SAP30L: variants seen among roughly 807,000 people sequenced by gnomAD.
SAP30L encodes the protein histone deacetylase complex subunit SAP30L.
Under a neutral mutation model 22.3 loss-of-function variants are expected in SAP30L, and 10 were observed. The ratio of observed to expected loss-of-function variants is 0.45; its 90% confidence interval spans 0.28 to 0.76. The LOEUF is 0.76. SAP30L is among the 30% of genes least tolerant of loss of function. The probability of loss-of-function intolerance (pLI) is 0.14; values close to 1 mark genes in which losing one functional copy is unlikely to be tolerated. For synonymous variants in SAP30L, 91 were observed against 94.1 expected, an observed-to-expected ratio of 0.97 and a Z score of 0.19; for missense variants, 206 against 237.9, an observed-to-expected ratio of 0.87 and a Z score of 0.88.
In SAP30L at chr5:154,457,910, T is replaced by C. The variant is rs574321379; in HGVS notation, c.*1882T>C. ...GGCATCAAGAAGGCTGAGGGGCAGA[T>C]GGGGCCTGCAGGTTAAGGCATTGTT... On this transcript the variant is annotated 3_prime_UTR_variant, in exon 4 of 4. Transcript: ENST00000297109. 2 of 152,290 alleles carry C rather than the reference T, an allele frequency of 1.3e-5. No individual in the cohort carries two copies. The highest frequency in any genetic ancestry group is 4.8e-5 in the African/African-American group (2 of 41,564). 9.4% of individuals were successfully genotyped at this position (152,290 alleles called of 1,614,324 possible). A position where few individuals can be genotyped will look rare whatever the true frequency, so the allele number is the denominator to read the frequency against.
rs762080460 is a variant in SAP30L, at chr5:154,456,565, A to G, written c.*537A>G. ...GTGCCTTGTACACAGTAGGCACTCA[A>G]TCAGTAGGTATTGGCTAATTGAGCT... On this transcript the variant is annotated 3_prime_UTR_variant, in exon 4 of 4. Coordinates refer to ENST00000297109, the MANE Select transcript of SAP30L (RefSeq NM_024632.6). 6.5e-6 allele frequency: 1 copy of G among 153,310 alleles called. No individual in the cohort carries two copies. The highest frequency in any genetic ancestry group is 2.4e-5 in the African/African-American group (1 of 41,464). 9.5% of individuals were successfully genotyped at this position (153,310 alleles called of 1,614,324 possible). A position where few individuals can be genotyped will look rare whatever the true frequency, so the allele number is the denominator to read the frequency against.
At chr5:154,453,668 G>C (rs913519234) in intron 3 of SAP30L, among the ~76,000 whole-genome samples, 168 bp downstream of exon 3, 1 of 152,156 alleles carries the variant, frequency 6.6e-6, no homozygotes, top group African/African-American at 2.4e-5. Flanking sequence ...CTTTAGACCT[G>C]CAAAGGCCTC....
At chr5:154,450,483 C>G (rs975451854) in intron 1 of SAP30L, among the ~76,000 whole-genome samples, 4 of 152,166 alleles carry the variant, frequency 2.6e-5, no homozygotes, top group Admixed American at 2.6e-4. Context: ...TTCCTCCTCC[C>G]CAGGACAGTA....
In SAP30L at chr5:154,456,608, C is replaced by T. The variant is rs1757270933; in HGVS notation, c.*580C>T. The T allele has an allele frequency of 6.6e-6, 1 of 152,378 alleles. No individual in the cohort carries two copies. The highest frequency in any genetic ancestry group is 1.5e-5 in the Non-Finnish European group (1 of 68,174). 9.4% of individuals were successfully genotyped at this position (152,378 alleles called of 1,614,324 possible). A position where few individuals can be genotyped will look rare whatever the true frequency, so the allele number is the denominator to read the frequency against. ...ATTGAGCTGTCACTAATAGTGCCAG[C>T]CTTGTAACATCCGCTTCACACCTCT... On this transcript the variant is annotated 3_prime_UTR_variant, in exon 4 of 4. Transcript: ENST00000297109.
chr5:154,450,013 G>A (rs774532932), intron 1 of SAP30L, among the ~76,000 whole-genome samples: 16 of 152,132 alleles, frequency 1.1e-4, no homozygotes, highest in South Asian at 4.1e-4. Flanking sequence ...TAATTGATGC[G>A]GATTTCCTGC....
intron 3 of SAP30L, among the ~76,000 whole-genome samples, chr5:154,453,738 C>A (rs1757202696): frequency 6.6e-6 from 1 of 152,204 alleles, no homozygotes; most frequent in Non-Finnish European, 1.5e-5. Context: ...AATCACACAG[C>A]AAGTTGATAG....
rs757016763 is a variant in SAP30L, at chr5:154,457,773, G to A, written c.*1745G>A. 7 of 152,150 alleles carry A rather than the reference G, an allele frequency of 4.6e-5. No individual in the cohort carries two copies. The highest frequency in any genetic ancestry group is 1.0e-4 in the Non-Finnish European group (7 of 68,044). 9.4% of individuals were successfully genotyped at this position (152,150 alleles called of 1,614,324 possible). On this transcript the variant is annotated 3_prime_UTR_variant, in exon 4 of 4. Transcript: ENST00000297109. The stretch of plus-strand genomic sequence containing the variant: ...CTGTGAGGGCATCCTATTTTGGTAT[G>A]CCTCCTGGCTGTGGATGGCATGTCC...
chr5:154,460,165 GGA>G lies in SAP30L; in HGVS notation c.*4138_*4139del, dbSNP rs1183515949. The G allele has an allele frequency of 6.6e-6, 1 of 152,146 alleles. No homozygotes were observed. The highest frequency in any genetic ancestry group is 1.5e-5 in the Non-Finnish European group (1 of 68,042). 9.4% of individuals were successfully genotyped at this position (152,146 alleles called of 1,614,324 possible). Reference sequence around the variant, plus strand: ...TTCCCAAGGCCAACCTAGCTCTCAGGGACCAACCTGCAGAACTCAAGATTGAG... The same window carrying G: ...TTCCCAAGGCCAACCTAGCTCTCAGGCCAACCTGCAGAACTCAAGATTGAG... On this transcript the variant is annotated 3_prime_UTR_variant, in exon 4 of 4. Coordinates refer to ENST00000297109, the MANE Select transcript of SAP30L (RefSeq NM_024632.6).
chr5:154,449,403 C>T (rs1175606416), intron 1 of SAP30L, among the ~76,000 whole-genome samples: 3 of 152,144 alleles, frequency 2.0e-5, no homozygotes, highest in South Asian at 4.1e-4. Flanking sequence ...ATTTAGAAAA[C>T]GGATTGGGGT....
chr5:154,447,941 CTTTTTCTTTTCTTTTT>C (rs1757055846), intron 1 of SAP30L, among the ~76,000 whole-genome samples: 2 of 144,850 alleles, frequency 1.4e-5, no homozygotes, highest in Non-Finnish European at 3.0e-5. Context: ...CTCCCCTGTC[CTTTTTCTTTTCTTTTT>C]TTTTTCTTTT....
intron 2 of SAP30L, 117 bp downstream of exon 2, chr5:154,451,330 G>A (rs2277939): frequency 0.65 from 734,041 of 1,127,616 alleles, 240,623 homozygotes; most frequent in Admixed American, 0.77. Context: ...TTGTTTTGCT[G>A]TGGATTATTT....
intron 1 of SAP30L, among the ~76,000 whole-genome samples, chr5:154,447,290 G>A (rs1757040917): frequency 6.6e-6 from 1 of 152,242 alleles, no homozygotes; most frequent in African/African-American, 2.4e-5. Flanking sequence ...TAGCTGCTTC[G>A]CAGGCAGCTG....
intron 1 of SAP30L, among the ~76,000 whole-genome samples, chr5:154,450,333 G>C (rs2113271364): frequency 6.6e-6 from 1 of 152,348 alleles, no homozygotes; most frequent in Admixed American, 6.5e-5. Flanking sequence ...TTGTGGATCA[G>C]ATGTGAGATA....
chr5:154,450,413 A>G (rs1757112621), intron 1 of SAP30L, among the ~76,000 whole-genome samples: 1 of 152,192 alleles, frequency 6.6e-6, no homozygotes, highest in Non-Finnish European at 1.5e-5. Context: ...AATAGTAGCT[A>G]TTGTAATTGT....
intron 1 of SAP30L, among the ~76,000 whole-genome samples, chr5:154,450,813 C>T (rs976462958): frequency 6.6e-6 from 1 of 152,202 alleles, no homozygotes; most frequent in Non-Finnish European, 1.5e-5. Flanking sequence ...CCCTGAGCAT[C>T]TCTGTTGCAG....
Position 154,450,672 on chromosome 5 carries a change from C to A in SAP30L, c.202-419C>A, listed in dbSNP as rs190932387. Among the ~76,000 whole-genome samples, 8 of 152,326 alleles carry A rather than the reference C, an allele frequency of 5.3e-5. No homozygotes were observed. In the East Asian group the frequency reaches 1.4e-3, roughly 26 times the overall value. On this transcript the variant is annotated intron_variant, in intron 1 of 3. Transcript: ENST00000297109. ...TACATGGGCAGCCATCATCACCCAACTGACACTGTACCCTGGGCCTCCTCA... is the reference window on the plus strand; with the variant it reads ...TACATGGGCAGCCATCATCACCCAAATGACACTGTACCCTGGGCCTCCTCA...
rs1053464658 is a variant in SAP30L at position 154,446,235 on chromosome 5, CT to C, written c.-369del. ...AGCCGGCAGGGGCCTTCGAAACCCC[CT>C]GGCAACCCAGGCCCGGAGTCCTTGG... On this transcript the variant is annotated 5_prime_UTR_variant, in exon 1 of 4. Coordinates refer to ENST00000297109, the MANE Select transcript of SAP30L (RefSeq NM_024632.6). The C allele has an allele frequency of 1.0e-5, 2 of 192,776 alleles. No individual in the cohort carries two copies. The highest frequency in any genetic ancestry group is 4.6e-5 in the African/African-American group (2 of 43,048). The allele number at this position is 192,776 out of a possible 1,614,324, so 11.9% of individuals were successfully genotyped here.
rs1330380257 is a variant in SAP30L at position 154,458,388 on chromosome 5, T to A, written c.*2360T>A. Reference sequence around the variant, plus strand: ...CCACTAAACCACTCGCCTTAGCCTCTTCTGCAGTTTCTGGTGGCTCTATCT... The same window carrying A: ...CCACTAAACCACTCGCCTTAGCCTCATCTGCAGTTTCTGGTGGCTCTATCT... On this transcript the variant is annotated 3_prime_UTR_variant, in exon 4 of 4. Transcript: ENST00000297109. 3 of 152,274 alleles carry A rather than the reference T, an allele frequency of 2.0e-5. No individual in the cohort carries two copies. Among genetic ancestry groups the A allele is most frequent in the Non-Finnish European group, 4.4e-5 (3 of 68,066 alleles). 9.4% of individuals were successfully genotyped at this position (152,274 alleles called of 1,614,324 possible).
At chr5:154,455,834 C>T (rs1418529196) in intron 3 of SAP30L, 66 bp from the exon 4 acceptor site, 21 of 1,530,526 alleles carry the variant, frequency 1.4e-5, no homozygotes, top group Admixed American at 4.4e-5. Context: ...CTTCTTTGTA[C>T]AATGTAGAAT....
Sources: allele counts gnomAD v4.1 joint callset (sites outside exome capture counted in the v4.1 genomes callset), GRCh38; gene constraint gnomAD v4.1.1; transcripts MANE v1.5; gene names NCBI Gene and HGNC (gene_info 2026-07-23, HGNC 2026-07-21).